Variants in BLTP1 observed in about 807,000 individuals in gnomAD.
The protein encoded by BLTP1 is fragile site-associated protein.
the BLTP1 span, chr4:122,250,718 A>G: frequency 1.2e-6 from 1 of 867,766 alleles, no homozygotes; most frequent in Non-Finnish European, 1.7e-6. Context: ...AATGTTAGTC[A>G]AAGTGTGTTG....
the BLTP1 span, among the ~76,000 whole-genome samples, chr4:122,229,486 A>G: frequency 1.3e-5 from 2 of 152,194 alleles, no homozygotes; most frequent in African/African-American, 2.4e-5. Flanking sequence ...ATAAAATAGT[A>G]GGTTACTTTT....
the BLTP1 span, among the ~76,000 whole-genome samples, chr4:122,191,173 G>T: frequency 6.6e-6 from 1 of 152,128 alleles, no homozygotes; most frequent in African/African-American, 2.4e-5. Context: ...GTGAGAAAAT[G>T]GGAAGTACAC....
At chr4:122,249,908 A>T in the BLTP1 span, 1 of 984,952 alleles carries the variant, frequency 1.0e-6, no homozygotes, top group African/African-American at 1.7e-5. Flanking sequence ...GAAAAACAAC[A>T]ATATGTTTTT....
chr4:122,303,818 A>G, the BLTP1 span, among the ~76,000 whole-genome samples: 1 of 152,212 alleles, frequency 6.6e-6, no homozygotes, highest in East Asian at 1.9e-4. Flanking sequence ...GAATGAGCAA[A>G]GAAATTCTAT....
the BLTP1 span, chr4:122,184,500 A>G: frequency 5.4e-3 from 839 of 155,970 alleles, 16 homozygotes; most frequent in African/African-American, 0.019. Context: ...TTAGCCAGGC[A>G]TGATGGCGGG....
At chr4:122,273,379 G>T in the BLTP1 span, 1 of 984,810 alleles carries the variant, frequency 1.0e-6, no homozygotes, top group Middle Eastern at 5.2e-4. Context: ...AAAAAATTAG[G>T]TGGACTGACT....
chr4:122,237,003 G>A, the BLTP1 span: 1 of 985,226 alleles, frequency 1.0e-6, no homozygotes, highest in South Asian at 4.7e-5. Context: ...AGGTCAGTGA[G>A]CACTATGTTC....
chr4:122,210,528 C>G, the BLTP1 span, among the ~76,000 whole-genome samples: 21 of 151,954 alleles, frequency 1.4e-4, no homozygotes, highest in African/African-American at 5.1e-4. Context: ...ATTTAAATAG[C>G]TATTTATATG....
At chr4:122,252,832 A>G in the BLTP1 span, among the ~76,000 whole-genome samples, 2 of 152,092 alleles carry the variant, frequency 1.3e-5, no homozygotes, top group African/African-American at 4.8e-5. Flanking sequence ...TAGTGGTTAC[A>G]GGGGGCCCTG....
At chr4:122,193,374 G>A in the BLTP1 span, 2 of 152,456 alleles carry the variant, frequency 1.3e-5, no homozygotes, top group Non-Finnish European at 2.9e-5. Flanking sequence ...AGATAATTGA[G>A]AGTTAGCCAG....
At chr4:122,239,623 G>A in the BLTP1 span, 1 of 1,613,988 alleles carries the variant, frequency 6.2e-7, no homozygotes, top group African/African-American at 1.3e-5. Context: ...GCCTCTGTCT[G>A]TTCCACCCGT....
chr4:122,272,383 T>C, the BLTP1 span: 1 of 1,612,622 alleles, frequency 6.2e-7, no homozygotes, highest in Non-Finnish European at 8.5e-7. Context: ...ATGGCAGTTT[T>C]ACTCTTAAGG....
chr4:122,305,207 A>C, the BLTP1 span: 14 of 983,672 alleles, frequency 1.4e-5, no homozygotes, highest in Non-Finnish European at 6.0e-6. Context: ...ATAAAACTTA[A>C]TCCAGTATCT....
chr4:122,291,438 C>A, the BLTP1 span, among the ~76,000 whole-genome samples: 1 of 152,190 alleles, frequency 6.6e-6, no homozygotes, highest in African/African-American at 2.4e-5. Context: ...CTCCCATAAT[C>A]TTCAGTTATT....
chr4:122,320,616 A>C, the BLTP1 span, among the ~76,000 whole-genome samples: 2 of 152,034 alleles, frequency 1.3e-5, no homozygotes, highest in Non-Finnish European at 2.9e-5. Flanking sequence ...CTTTCTTTTA[A>C]TTAGTGATAG....
chr4:122,218,473 T>C, the BLTP1 span, among the ~76,000 whole-genome samples: 1 of 152,204 alleles, frequency 6.6e-6, no homozygotes, highest in East Asian at 1.9e-4. Context: ...TGTATGACTT[T>C]AAGCCCTTCA....
chr4:122,301,518 C>T, the BLTP1 span: 1 of 504,468 alleles, frequency 2.0e-6, no homozygotes, highest in African/African-American at 2.0e-5. Flanking sequence ...TCTATAACTC[C>T]ATCTACTCAG....
chr4:122,225,308 G>A, the BLTP1 span: 1 of 152,682 alleles, frequency 6.5e-6, no homozygotes, highest in Non-Finnish European at 1.5e-5. Context: ...TTAATCCTTA[G>A]AAGGCACAAA....
At chr4:122,356,034 G>T in the BLTP1 span, 3 of 1,465,764 alleles carry the variant, frequency 2.0e-6, no homozygotes, top group South Asian at 1.3e-5. Context: ...AATTCTAAAG[G>T]CACTTCAAAC....
Sources: gnomAD v4.1 joint callset for allele counts (sites outside exome capture counted in the v4.1 genomes callset) on GRCh38, gnomAD v4.1.1 for gene constraint, MANE v1.5 for transcripts, NCBI Gene and HGNC (gene_info 2026-07-23, HGNC 2026-07-21) for gene names.